MMEL1: variants seen among roughly 807,000 people sequenced by gnomAD.
MMEL1 encodes the protein membrane metalloendopeptidase like 1, also known as membrane metallo-endopeptidase-like 1.
Under a neutral mutation model 117.1 loss-of-function variants are expected in MMEL1, and 98 were observed. The observed-to-expected ratio is 0.84, with a 90% CI of 0.71 to 0.99. The LOEUF is 0.99. Among genes scored for constraint, MMEL1 ranks in the 50% least tolerant of loss-of-function variants. The pLI, the probability that MMEL1 is intolerant of heterozygous loss-of-function variation, is 0.00. For missense variants in MMEL1, 1,014 were observed against 1,049.1 expected (o/e 0.97, Z 0.46); for synonymous variants, 390 against 415.1 (o/e 0.94, Z 0.74).
chr1:2,621,011 G>A (rs991430247), intron 2 of MMEL1, among the ~76,000 whole-genome samples: 16 of 152,150 alleles, frequency 1.1e-4, no homozygotes, highest in South Asian at 2.1e-4. Flanking sequence ...CATGCCAGGC[G>A]TGATGGCTCA....
chr1:2,608,352 T>G (rs1374448761), intron 6 of MMEL1, among the ~76,000 whole-genome samples: 2 of 152,110 alleles, frequency 1.3e-5, no homozygotes, highest in Admixed American at 6.5e-5. Context: ...TAAACGGTGC[T>G]GGGCCGGGGG....
chr1:2,627,680 T>A (rs1325602036), intron 2 of MMEL1, among the ~76,000 whole-genome samples: 4 of 152,202 alleles, frequency 2.6e-5, no homozygotes, highest in Non-Finnish European at 5.9e-5. Context: ...ATTAAAAAAA[T>A]TTCTAAATGA....
chr1:2,603,008 C>T (rs529167636), intron 11 of MMEL1, among the ~76,000 whole-genome samples: 9 of 152,348 alleles, frequency 5.9e-5, no homozygotes, highest in Admixed American at 4.6e-4. Flanking sequence ...CAGAGCCTGG[C>T]CCCACTGCGT....
chr1:2,599,201 T>C (rs1644893461), intron 11 of MMEL1, among the ~76,000 whole-genome samples: 1 of 152,220 alleles, frequency 6.6e-6, no homozygotes, highest in South Asian at 2.1e-4. Context: ...ATTAAAACTT[T>C]CCAGAGATGA....
chr1:2,629,350 G>T lies in MMEL1; in HGVS notation c.135C>A (p.Val45=). Residue 45 remains valine, a synonymous_variant, in exon 2 of 24, where the codon GTC becomes GTA. Transcript: ENST00000378412. ...LVTAALVALG[V]LYADRRGKQL... ...ACTCACCTCTGCGGTCGGCGTAGAG[G>T]ACACCCAAGGCCACCAGGGCAGCGG... 6.5e-7 allele frequency: 1 copy of T among 1,542,346 alleles called. No homozygotes were observed. The highest frequency in any genetic ancestry group is 8.7e-7 in the Non-Finnish European group (1 of 1,145,896).
intron 10 of MMEL1, 41 bp downstream of exon 10, chr1:2,604,106 C>T (rs892752567): frequency 3.6e-5 from 56 of 1,570,790 alleles, no homozygotes; most frequent in Non-Finnish European, 4.2e-5. Flanking sequence ...GGGCTCCCAG[C>T]CCACTCGCTG....
chr1:2,632,488 A>G (rs1638637372), intron 1 of MMEL1: 1 of 152,760 alleles, frequency 6.5e-6, no homozygotes, highest in Non-Finnish European at 1.5e-5. Context: ...TCCTGAATTC[A>G]TTCTGTCCTG....
intron 2 of MMEL1, among the ~76,000 whole-genome samples, chr1:2,618,886 A>G (rs1326514018): frequency 6.6e-6 from 1 of 152,226 alleles, no homozygotes; most frequent in African/African-American, 2.4e-5. Context: ...TCTGATCCAG[A>G]ACGTATGGAA....
rs1455022117 is a variant in MMEL1, at chr1:2,604,206, T to C, written c.892A>G (p.Ser298Gly). The change falls in exon 10 of 24, where the codon AGC (serine) becomes GGC (glycine). Residue 298 changes from serine (S) to glycine (G), a missense_variant. Physicochemically the swap from Ser to Gly is moderately conservative, Grantham distance 56 (BLOSUM62 0). Coordinates refer to ENST00000378412, the MANE Select transcript of MMEL1 (RefSeq NM_033467.4). ...ACCATGTCCTCCTGCACCAGGCAGC[T>C]GTCCCTGGGCAGGTTTGCATCCTCC... ...LREDANLPRD[S>G]CLVQEDMVQV... is the part of the protein sequence containing the mutation. 1.9e-6 allele frequency: 3 copies of C among 1,609,622 alleles called. No individual in the cohort carries two copies. Among genetic ancestry groups the C allele is most frequent in the Non-Finnish European group, 2.5e-6 (3 of 1,178,268 alleles).
intron 2 of MMEL1, among the ~76,000 whole-genome samples, chr1:2,627,120 T>C (rs1224334422): frequency 1.3e-5 from 2 of 152,268 alleles, no homozygotes; most frequent in African/African-American, 2.4e-5. Flanking sequence ...AAAGCCTTGT[T>C]AAGTCAGAAA....
At position 2,609,844 on chromosome 1, in the gene MMEL1, A is replaced by G. The variant is rs1645099206; in HGVS notation, c.293-13T>C. The G allele has an allele frequency of 3.1e-6, 5 of 1,596,510 alleles. No individual in the cohort carries two copies. The highest frequency in any genetic ancestry group is 4.3e-6 in the Non-Finnish European group (5 of 1,171,092). ...AGGATCCTGGCAGCTGCTCGTCCCC[A>G]TGGCGTGGAGCAGGGAGAGGGGAGA... On this transcript the variant is annotated splice_polypyrimidine_tract_variant and intron_variant, in intron 4 of 23. Transcript: ENST00000378412.
chr1:2,607,081 C>A lies in MMEL1; in HGVS notation c.536-12G>T. The A allele has an allele frequency of 6.2e-7, 1 of 1,605,382 alleles. No individual in the cohort carries two copies. The highest frequency in any genetic ancestry group is 1.7e-4 in the Middle Eastern group (1 of 6,050). On this transcript the variant is annotated splice_polypyrimidine_tract_variant and intron_variant, in intron 6 of 23. Transcript: ENST00000378412. ...CTTCTCTATCACACCTGAGAAGGGA[C>A]GCAGTGGTCACTCTCCCAGCCTCCC...
chr1:2,611,236 C>G (rs112949219), intron 4 of MMEL1, 45 bp downstream of exon 4: 1 of 1,541,860 alleles, frequency 6.5e-7, no homozygotes, highest in African/African-American at 1.4e-5. Context: ...GCCGGGAGCC[C>G]CCAGCCCTTG....
At chr1:2,597,096 A>G (rs1285230996) in intron 13 of MMEL1, among the ~76,000 whole-genome samples, 2 of 151,974 alleles carry the variant, frequency 1.3e-5, no homozygotes, top group African/African-American at 4.8e-5. Flanking sequence ...TGGTCTCTCC[A>G]TTGTTGAAGC....
intron 6 of MMEL1, among the ~76,000 whole-genome samples, chr1:2,607,451 G>C (rs941803252): frequency 6.6e-6 from 1 of 150,436 alleles, no homozygotes; most frequent in Non-Finnish European, 1.5e-5. Context: ...GCCTCGGCGA[G>C]GACTCAGGCA....
intron 11 of MMEL1, among the ~76,000 whole-genome samples, chr1:2,600,453 C>G (rs1468482172): frequency 4.6e-5 from 7 of 151,888 alleles, no homozygotes. Context: ...AATCCCAGCA[C>G]TTTGGGAGGC....
intron 23 of MMEL1, 42 bp downstream of exon 23, chr1:2,591,515 G>A: frequency 1.3e-6 from 2 of 1,512,746 alleles, no homozygotes; most frequent in African/African-American, 1.4e-5. Context: ...GGGGGTGAGG[G>A]GGTTGTGGGT....
intron 6 of MMEL1, among the ~76,000 whole-genome samples, 176 bp downstream of exon 6, chr1:2,609,163 G>A (rs1645084636): frequency 6.6e-6 from 1 of 152,124 alleles, no homozygotes; most frequent in African/African-American, 2.4e-5. Flanking sequence ...ATTACTGCGA[G>A]CCTGGACCCT....
chr1:2,609,455 C>A, intron 5 of MMEL1, 36 bp from the exon 6 acceptor site: 4 of 1,593,396 alleles, frequency 2.5e-6, no homozygotes. Context: ...AGAGGCCTGA[C>A]GAGGCTGCAG....
Sources: allele counts gnomAD v4.1 joint callset (sites outside exome capture counted in the v4.1 genomes callset), GRCh38; gene constraint gnomAD v4.1.1; transcripts MANE v1.5; gene names NCBI Gene and HGNC (gene_info 2026-07-23, HGNC 2026-07-21).